C1orf87: variants seen among roughly 807,000 people sequenced by gnomAD.
The protein encoded by C1orf87 is uncharacterized protein C1orf87.
A neutral mutation model predicts 60.5 loss-of-function variants in C1orf87; 58 were observed. The ratio of observed to expected loss-of-function variants is 0.96; its 90% CI spans 0.78 to 1.19. The LOEUF is 1.19. C1orf87 is among the 50% of genes most tolerant of loss of function. The pLI is 0.00. For missense variants in C1orf87, 673 were observed against 638.6 expected (o/e 1.05, Z -0.58); for synonymous variants, 236 against 227.4 (o/e 1.04, Z -0.34).
intron 9 of C1orf87, among the ~76,000 whole-genome samples, chr1:60,009,631 C>A (rs1477873230): frequency 6.7e-6 from 1 of 150,228 alleles, no homozygotes; most frequent in Admixed American, 6.7e-5. Flanking sequence ...CCCGGACACA[C>A]ACACACGCAC....
intron 8 of C1orf87, among the ~76,000 whole-genome samples, chr1:60,012,245 A>G (rs1272355260): frequency 1.3e-5 from 2 of 151,998 alleles, no homozygotes; most frequent in Admixed American, 1.3e-4. Flanking sequence ...TACACATTAC[A>G]CAACATTTAT....
At chr1:60,042,094 G>A (rs1273227152) in intron 3 of C1orf87, among the ~76,000 whole-genome samples, 2 of 152,066 alleles carry the variant, frequency 1.3e-5, no homozygotes, top group East Asian at 3.8e-4. Context: ...GATGTGGTGT[G>A]GAATCCCTGC....
At chr1:60,030,841 G>A (rs192991018) in intron 7 of C1orf87, among the ~76,000 whole-genome samples, 5 of 152,300 alleles carry the variant, frequency 3.3e-5, no homozygotes, top group South Asian at 2.1e-4. Context: ...GAGTGAGTCC[G>A]CAGAATGAAG....
chr1:60,046,069 C>T (rs555648774), intron 3 of C1orf87, among the ~76,000 whole-genome samples: 59 of 150,220 alleles, frequency 3.9e-4, no homozygotes, highest in African/African-American at 1.4e-3. Context: ...TTTAAAATTC[C>T]TTCCTTCCTT....
At chr1:60,038,811 A>G (rs1360867557) in intron 5 of C1orf87, among the ~76,000 whole-genome samples, 2 of 152,168 alleles carry the variant, frequency 1.3e-5, no homozygotes, top group African/African-American at 4.8e-5. Context: ...GGACTGAAGG[A>G]ATGTCATCCA....
At chr1:59,993,394 A>T (rs191083882) in intron 11 of C1orf87, among the ~76,000 whole-genome samples, 1 of 152,226 alleles carries the variant, frequency 6.6e-6, no homozygotes, top group East Asian at 1.9e-4. Context: ...GTGAAATTTT[A>T]CTATAGGATA....
chr1:60,010,642 A>T (rs932151154), intron 8 of C1orf87, among the ~76,000 whole-genome samples, 186 bp from the exon 9 acceptor site: 1 of 151,928 alleles, frequency 6.6e-6, no homozygotes, highest in Non-Finnish European at 1.5e-5. Flanking sequence ...TGATATAGGG[A>T]ATTATTGCAA....
At chr1:59,995,681 C>T (rs1480523298) in intron 11 of C1orf87, among the ~76,000 whole-genome samples, 1 of 152,158 alleles carries the variant, frequency 6.6e-6, no homozygotes, top group Non-Finnish European at 1.5e-5. Flanking sequence ...GATGGTCAGC[C>T]TCATTTCATA....
chr1:60,062,008 C>T (rs763002598), intron 2 of C1orf87, among the ~76,000 whole-genome samples: 1 of 152,048 alleles, frequency 6.6e-6, no homozygotes, highest in African/African-American at 2.4e-5. Context: ...ATGGGTAGCC[C>T]TGGCAGGAGG....
intron 9 of C1orf87, among the ~76,000 whole-genome samples, chr1:60,005,802 T>TTG (rs1322610970): frequency 2.8e-5 from 4 of 140,642 alleles, no homozygotes; most frequent in African/African-American, 1.1e-4. Context: ...CTTCTCAGCA[T>TTG]TCTTTTTTTT....
chr1:60,039,433 G>A (rs1243430769), intron 5 of C1orf87, among the ~76,000 whole-genome samples: 1 of 152,174 alleles, frequency 6.6e-6, no homozygotes, highest in Non-Finnish European at 1.5e-5. Flanking sequence ...CATGGTGTCT[G>A]CCATTAATTC....
At chr1:60,058,915 G>C (rs1212998194) in intron 2 of C1orf87, among the ~76,000 whole-genome samples, 5 of 152,172 alleles carry the variant, frequency 3.3e-5, no homozygotes, top group African/African-American at 4.8e-5. Flanking sequence ...TAAAGGCAGG[G>C]ACAATGGATT....
intron 9 of C1orf87, among the ~76,000 whole-genome samples, chr1:60,001,931 C>T (rs886846857): frequency 3.9e-5 from 6 of 152,198 alleles, no homozygotes; most frequent in African/African-American, 1.4e-4. Context: ...AGGAAAAACA[C>T]AAACAAATAT....
At chr1:60,033,362 G>A (rs1026503597) in intron 7 of C1orf87, 114 bp downstream of exon 7, 3 of 991,768 alleles carry the variant, frequency 3.0e-6, no homozygotes, top group Non-Finnish European at 4.4e-6. Flanking sequence ...ACAAACAACT[G>A]TGTAATGTAA....
At chr1:60,056,428 AAAG>A (rs1406554966) in intron 2 of C1orf87, among the ~76,000 whole-genome samples, 1 of 152,208 alleles carries the variant, frequency 6.6e-6, no homozygotes, top group African/African-American at 2.4e-5. Flanking sequence ...ATGCAAAAAA[AAAG>A]AAAACTCTAA....
intron 3 of C1orf87, among the ~76,000 whole-genome samples, chr1:60,044,724 A>G (rs888483617): frequency 6.6e-6 from 1 of 152,202 alleles, no homozygotes; most frequent in African/African-American, 2.4e-5. Flanking sequence ...CGTGTCAAAA[A>G]AGATAAAATG....
intron 6 of C1orf87, among the ~76,000 whole-genome samples, chr1:60,035,334 G>A (rs1201572571): frequency 6.6e-6 from 1 of 152,180 alleles, no homozygotes; most frequent in Non-Finnish European, 1.5e-5. Context: ...GTACTGGATG[G>A]GCAGGTGTTG....
In C1orf87 at chr1:60,033,563, T is replaced by C; in HGVS notation, c.942A>G (p.Thr314=). 6.2e-7 allele frequency: 1 copy of C among 1,613,802 alleles called. No individual in the cohort carries two copies. The highest frequency in any genetic ancestry group is 8.5e-7 in the Non-Finnish European group (1 of 1,179,822). ...LLEILKMALR[T]TNGRLNIDNL... is the part of the protein sequence containing the mutation. ...TGTCTATGTTGAGTCTGCCATTGGT[T>C]GTCCTTAGTGCCATCTTCAAAATCT... Residue 314 remains threonine, a synonymous_variant, in exon 7 of 12, where the codon ACA becomes ACG. Transcript: ENST00000371201.
intron 2 of C1orf87, among the ~76,000 whole-genome samples, chr1:60,055,957 C>G (rs1416897568): frequency 2.0e-5 from 3 of 152,018 alleles, no homozygotes; most frequent in Non-Finnish European, 4.4e-5. Flanking sequence ...AAAGGTTCAA[C>G]TTTGTTTAAC....
Sources: allele counts gnomAD v4.1 joint callset (sites outside exome capture counted in the v4.1 genomes callset), GRCh38; gene constraint gnomAD v4.1.1; transcripts MANE v1.5; gene names NCBI Gene and HGNC (gene_info 2026-07-23, HGNC 2026-07-21).